Variants in MMRN1 observed in about 807,000 individuals in gnomAD.
The protein encoded by MMRN1 is multimerin 1.
Under a neutral mutation model 100.7 loss-of-function variants are expected in MMRN1, and 94 were observed. The observed-to-expected ratio is 0.93, with a 90% CI of 0.79 to 1.11. The LOEUF (loss-of-function observed/expected upper bound fraction) is 1.11, where lower values mean the gene tolerates loss of function less well. MMRN1 is among the 50% of genes least tolerant of loss of function. MMRN1 has a pLI of 0.00. For synonymous variants in MMRN1, 575 were observed against 505.0 expected (o/e 1.14, Z -1.86); for missense variants, 1,606 against 1,439.1 (o/e 1.12, Z -1.88).
At chr4:89,952,201 C>G (rs1370039007) in intron 7 of MMRN1, among the ~76,000 whole-genome samples, 1 of 152,072 alleles carries the variant, frequency 6.6e-6, no homozygotes, top group Non-Finnish European at 1.5e-5. Context: ...ACTAATGGCA[C>G]CATTTTGACT....
At chr4:89,948,488 T>G (rs904615950) in intron 6 of MMRN1, among the ~76,000 whole-genome samples, 1 of 152,160 alleles carries the variant, frequency 6.6e-6, no homozygotes, top group African/African-American at 2.4e-5. Flanking sequence ...TAAATAGACA[T>G]GAGATTTTAG....
intron 3 of MMRN1, among the ~76,000 whole-genome samples, chr4:89,917,477 C>A (rs983395484): frequency 1.3e-5 from 2 of 151,734 alleles, no homozygotes; most frequent in Non-Finnish European, 2.9e-5. Context: ...GTATATAAAT[C>A]AAAAATTAAG....
chr4:89,882,074 T>C (rs142223979), intron 1 of MMRN1, among the ~76,000 whole-genome samples: 57 of 151,958 alleles, frequency 3.8e-4, no homozygotes, highest in Non-Finnish European at 4.4e-5. Flanking sequence ...TGTATCACAA[T>C]CACATTCACT....
chr4:89,900,754 G>A (rs1188022321), intron 1 of MMRN1, among the ~76,000 whole-genome samples: 1 of 152,008 alleles, frequency 6.6e-6, no homozygotes, highest in Admixed American at 6.6e-5. Flanking sequence ...ATCAAGGCTA[G>A]AGATATAAAT....
rs1389774296 is a variant in MMRN1, at chr4:89,935,448, G to A, written c.1768G>A (p.Gly590Ser). Residue 590 changes from glycine to serine, a missense_variant, in exon 6 of 8, where the codon GGT becomes AGT. Gly to Ser is a moderately conservative substitution (Grantham distance 56, BLOSUM62 0). Coordinates refer to ENST00000264790, the MANE Select transcript of MMRN1 (RefSeq NM_007351.3). ...GGAGATGGAGAAAGAGTCTCTCAGAGGTGAATGTGAAGACATGTTATCCAA... is the reference window on the plus strand; with the variant it reads ...GGAGATGGAGAAAGAGTCTCTCAGAAGTGAATGTGAAGACATGTTATCCAA... ...SLEMEKESLR[G>S]ECEDMLSKCR... The A allele has an allele frequency of 1.2e-6, 2 of 1,613,488 alleles. No individual in the cohort carries two copies. Among genetic ancestry groups the A allele is most frequent in the Non-Finnish European group, 1.7e-6 (2 of 1,179,728 alleles).
At chr4:89,902,555 G>C (rs980551859) in intron 1 of MMRN1, among the ~76,000 whole-genome samples, 4 of 151,896 alleles carry the variant, frequency 2.6e-5, no homozygotes, top group African/African-American at 9.7e-5. Flanking sequence ...CATTCGGCTC[G>C]TTCTCATAAA....
Position 89,936,452 on chromosome 4 carries a change from C to T in MMRN1, c.2772C>T (p.Leu924=). 2 of 1,612,528 alleles carry T rather than the reference C, an allele frequency of 1.2e-6. No homozygotes were observed. The highest frequency in any genetic ancestry group is 1.7e-6 in the Non-Finnish European group (2 of 1,179,428). Residue 924 remains leucine, a synonymous_variant, in exon 6 of 8, where the codon CTC becomes CTT. Coordinates refer to ENST00000264790, the MANE Select transcript of MMRN1 (RefSeq NM_007351.3). ...ACTTCTTTTCGCTTAACAAAACTCT[C>T]CACGAAGTTTTAACAATGTGTCACA... is the stretch of plus-strand genomic sequence containing the variant. ...SINFFSLNKT[L]HEVLTMCHNA...
chr4:89,942,211 C>G (rs1036329675), intron 6 of MMRN1, among the ~76,000 whole-genome samples: 1 of 152,138 alleles, frequency 6.6e-6, no homozygotes, highest in African/African-American at 2.4e-5. Flanking sequence ...ACAGGAGCTA[C>G]TTCCCAACAA....
intron 3 of MMRN1, among the ~76,000 whole-genome samples, chr4:89,912,583 G>A (rs1461937216): frequency 1.3e-5 from 2 of 150,418 alleles, no homozygotes; most frequent in Non-Finnish European, 3.0e-5. Flanking sequence ...CTTTCTGGTG[G>A]CAAGGCTGAT....
chr4:89,932,316 T>C (rs1396789070), intron 5 of MMRN1, among the ~76,000 whole-genome samples: 2 of 152,158 alleles, frequency 1.3e-5, no homozygotes, highest in African/African-American at 2.4e-5. Flanking sequence ...GTACAGCCTC[T>C]CTTCCAGCTG....
chr4:89,953,344 C>T lies in MMRN1; in HGVS notation c.3613C>T (p.Leu1205Phe), dbSNP rs779076447. 4 of 1,613,650 alleles carry T rather than the reference C, an allele frequency of 2.5e-6. No homozygotes were observed. The highest frequency in any genetic ancestry group is 1.1e-5 in the South Asian group (1 of 91,040). Reference protein sequence around the residue: ...LNYGQEVWLRLAKGTIPAKFP... With the variant: ...LNYGQEVWLRFAKGTIPAKFP... ...TTATGGGCAGGAAGTCTGGTTACGA[C>T]TTGCAAAAGGAACAATTCCAGCCAA... Residue 1205 changes from leucine to phenylalanine, a missense_variant, in exon 8 of 8, where the codon CTT becomes TTT. Transcript: ENST00000264790.
At chr4:89,925,337 G>A (rs1722216578) in intron 4 of MMRN1, among the ~76,000 whole-genome samples, 2 of 123,420 alleles carry the variant, frequency 1.6e-5, no homozygotes, top group Admixed American at 9.2e-5. Context: ...TTGTAGAGAC[G>A]AGGTTTAGCC....
At chr4:89,900,667 G>T (rs935690237) in intron 1 of MMRN1, among the ~76,000 whole-genome samples, 1 of 152,014 alleles carries the variant, frequency 6.6e-6, no homozygotes, top group Non-Finnish European at 1.5e-5. Flanking sequence ...CTAGAACAGT[G>T]CCAGGTGCAT....
intron 6 of MMRN1, among the ~76,000 whole-genome samples, chr4:89,948,660 G>A (rs1465739623): frequency 3.3e-5 from 5 of 152,024 alleles, no homozygotes; most frequent in Non-Finnish European, 7.4e-5. Context: ...ACTATGCTTG[G>A]GCTCAACTGG....
chr4:89,945,542 G>A (rs1722961930), intron 6 of MMRN1, among the ~76,000 whole-genome samples: 1 of 151,904 alleles, frequency 6.6e-6, no homozygotes, highest in African/African-American at 2.4e-5. Context: ...ATCTCACTGT[G>A]GTTTTGTTTT....
chr4:89,938,782 G>A (rs1056442334), intron 6 of MMRN1, among the ~76,000 whole-genome samples: 2 of 151,648 alleles, frequency 1.3e-5, no homozygotes, highest in Non-Finnish European at 1.5e-5. Flanking sequence ...TTTATTTACT[G>A]ACTGTAGAAC....
rs770425622 is a variant in MMRN1, at chr4:89,927,816, A to C, written c.977A>C (p.Asp326Ala). 52 of 1,610,754 alleles carry C rather than the reference A, an allele frequency of 3.2e-5. No individual in the cohort carries two copies. Among genetic ancestry groups the C allele is most frequent in the Admixed American group, 1.7e-5 (1 of 59,440 alleles). Residue 326 changes from aspartate (D) to alanine (A), a missense_variant, in exon 5 of 8, where the codon GAT becomes GCT. Physicochemically the swap from Asp to Ala is moderately radical, Grantham distance 126. Coordinates refer to ENST00000264790, the MANE Select transcript of MMRN1 (RefSeq NM_007351.3). ...GDPEVMQKMT[D>A]QVNYQAMKLT... ...GCAGAAGTGATGCAAAAAATGACTGATCAGGTGAACTACCAGGCAATGAAA... is the reference window on the plus strand; with the variant it reads ...GCAGAAGTGATGCAAAAAATGACTGCTCAGGTGAACTACCAGGCAATGAAA...
chr4:89,923,126 C>T, intron 3 of MMRN1, 42 bp from the exon 4 acceptor site: 2 of 1,505,368 alleles, frequency 1.3e-6, no homozygotes, highest in Non-Finnish European at 1.8e-6. Context: ...TGAGGCTGTC[C>T]CAGTGCTTAA....
chr4:89,927,789 A>G lies in MMRN1; in HGVS notation c.956-6A>G, dbSNP rs778699928. 5 of 1,609,584 alleles carry G rather than the reference A, an allele frequency of 3.1e-6. No individual in the cohort carries two copies. The highest frequency in any genetic ancestry group is 1.7e-6 in the Non-Finnish European group (2 of 1,178,110). The stretch of plus-strand genomic sequence containing the variant: ...TAATGGTCTCAATTTTCTCTTCTAT[A>G]TGCAGAAGTGATGCAAAAAATGACT... On this transcript the variant is annotated splice_polypyrimidine_tract_variant and splice_region_variant and intron_variant, in intron 4 of 7. Transcript: ENST00000264790.
Sources: gnomAD v4.1 joint callset for allele counts (sites outside exome capture counted in the v4.1 genomes callset) on GRCh38, gnomAD v4.1.1 for gene constraint, MANE v1.5 for transcripts, NCBI Gene and HGNC (gene_info 2026-07-23, HGNC 2026-07-21) for gene names.